DIP2C: variants seen among roughly 807,000 people sequenced by gnomAD.
DIP2C encodes DIP2 acetate--CoA ligase C (putative).
Under a neutral mutation model 192.4 loss-of-function variants are expected in DIP2C, and 33 were observed. That is an observed-to-expected ratio of 0.17 (90% confidence interval 0.13 to 0.23). The LOEUF (loss-of-function observed/expected upper bound fraction) is 0.23, where lower values mean the gene tolerates loss of function less well. Ranked by LOEUF, DIP2C falls within the 10% of genes least tolerant of loss-of-function variation. The pLI is 1.00. For synonymous variants in DIP2C, 979 were observed against 864.1 expected, an observed-to-expected ratio of 1.13 and a Z score of -2.33; for missense variants, 1,537 against 2,110.1, an observed-to-expected ratio of 0.73 and a Z score of 5.32.
At chr10:521,546 C>T (rs560363432) in intron 1 of DIP2C, among the ~76,000 whole-genome samples, 38 of 152,192 alleles carry the variant, frequency 2.5e-4, no homozygotes, top group Non-Finnish European at 5.3e-4. Context: ...AGCATCACTG[C>T]ACCTGTAAGG....
chr10:665,115 CT>C (rs1425835348), intron 1 of DIP2C: 3 of 152,124 alleles, frequency 2.0e-5, no homozygotes, highest in Non-Finnish European at 4.4e-5. Flanking sequence ...ACAAAAACAG[CT>C]TTAAAGATTT....
chr10:618,917 G>A (rs1216947099), intron 1 of DIP2C, among the ~76,000 whole-genome samples: 1 of 152,224 alleles, frequency 6.6e-6, no homozygotes, highest in Non-Finnish European at 1.5e-5. Context: ...AAACCTGAAA[G>A]GACAGGTCTG....
chr10:575,003 C>T (rs560919329), intron 1 of DIP2C, among the ~76,000 whole-genome samples: 42 of 152,264 alleles, frequency 2.8e-4, no homozygotes, highest in Middle Eastern at 6.8e-3. Flanking sequence ...AGAGGGAAGA[C>T]CCACGAAAGG....
intron 1 of DIP2C, among the ~76,000 whole-genome samples, chr10:585,956 A>G (rs759007866): frequency 3.9e-5 from 6 of 152,200 alleles, no homozygotes; most frequent in Non-Finnish European, 7.3e-5. Flanking sequence ...CTGTAAAAGG[A>G]AAAGGCAATT....
At chr10:418,773 G>A (rs534150773) in intron 6 of DIP2C, among the ~76,000 whole-genome samples, 10 of 152,304 alleles carry the variant, frequency 6.6e-5, no homozygotes, top group South Asian at 6.2e-4. Context: ...CTGAACCACC[G>A]TTATTCAGCA....
intron 1 of DIP2C, among the ~76,000 whole-genome samples, chr10:617,570 C>T (rs546697111): frequency 6.6e-6 from 1 of 152,128 alleles, no homozygotes; most frequent in Non-Finnish European, 1.5e-5. Flanking sequence ...CCCACTCCAC[C>T]CACCTCCCAT....
At chr10:319,179 C>T (rs1297864788) in intron 31 of DIP2C, among the ~76,000 whole-genome samples, 1 of 152,138 alleles carries the variant, frequency 6.6e-6, no homozygotes, top group African/African-American at 2.4e-5. Flanking sequence ...TCCTGAAGTG[C>T]TGGGATTACA....
chr10:316,076 C>T (rs183602550), intron 31 of DIP2C, among the ~76,000 whole-genome samples: 89 of 152,178 alleles, frequency 5.8e-4, no homozygotes, highest in African/African-American at 1.9e-3. Flanking sequence ...ACCTTTTCAA[C>T]GAATTTCTGG....
At chr10:385,962 G>C (rs1263769420) in intron 14 of DIP2C, among the ~76,000 whole-genome samples, 2 of 152,212 alleles carry the variant, frequency 1.3e-5, no homozygotes, top group Non-Finnish European at 2.9e-5. Flanking sequence ...CCTGCTCAGA[G>C]ACCTCGCTTT....
intron 14 of DIP2C, among the ~76,000 whole-genome samples, chr10:385,370 C>T (rs982170668): frequency 6.6e-6 from 1 of 152,228 alleles, no homozygotes; most frequent in Admixed American, 6.5e-5. Context: ...ACTGCTTTCC[C>T]TAAACTACTC....
At chr10:565,360 A>AAAAAAAAAAT (rs1849407407) in intron 1 of DIP2C, among the ~76,000 whole-genome samples, 1 of 151,568 alleles carries the variant, frequency 6.6e-6, no homozygotes, top group African/African-American at 2.4e-5. Flanking sequence ...ATTCTAAAAA[A>AAAAAAAAAAT]AAAAAAAAAA....
intron 1 of DIP2C, among the ~76,000 whole-genome samples, chr10:600,826 T>C (rs1852019760): frequency 6.6e-6 from 1 of 152,248 alleles, no homozygotes; most frequent in Admixed American, 6.5e-5. Flanking sequence ...TAACCACGTC[T>C]CAACCATAAG....
At chr10:375,000 C>T (rs1961399873) in intron 17 of DIP2C, among the ~76,000 whole-genome samples, 1 of 152,204 alleles carries the variant, frequency 6.6e-6, no homozygotes, top group Admixed American at 6.5e-5. Flanking sequence ...TCTCAGTGAT[C>T]TCCAGGAATG....
chr10:622,280 AGGAGG>A (rs1853901898), intron 1 of DIP2C, among the ~76,000 whole-genome samples: 2 of 92,222 alleles, frequency 2.2e-5, no homozygotes, highest in Admixed American at 1.1e-4. Flanking sequence ...AGGGGGAGGG[AGGAGG>A]GGGAGGGAGG....
At chr10:578,038 C>T (rs904556661) in intron 1 of DIP2C, among the ~76,000 whole-genome samples, 2 of 152,112 alleles carry the variant, frequency 1.3e-5, no homozygotes, top group African/African-American at 4.8e-5. Flanking sequence ...ATCCAAATAA[C>T]TACAATCTTA....
intron 14 of DIP2C, 61 bp downstream of exon 14, chr10:387,684 C>CA (rs1963085399): frequency 6.6e-7 from 1 of 1,504,818 alleles, no homozygotes; most frequent in Non-Finnish European, 9.2e-7. Flanking sequence ...CCTGTGTGGA[C>CA]AGGCAGGGCA....
chr10:325,688 T>A (rs987963093), intron 31 of DIP2C, among the ~76,000 whole-genome samples: 1 of 152,184 alleles, frequency 6.6e-6, no homozygotes, highest in African/African-American at 2.4e-5. Flanking sequence ...CAGAGAAAAC[T>A]TCAATATTTT....
chr10:491,383 T>C (rs1844438029), intron 1 of DIP2C, among the ~76,000 whole-genome samples: 1 of 152,256 alleles, frequency 6.6e-6, no homozygotes, highest in African/African-American at 2.4e-5. Flanking sequence ...TCAGGAGCCC[T>C]GGTGCTGCTG....
chr10:492,694 C>T (rs1156248981), intron 1 of DIP2C, among the ~76,000 whole-genome samples: 1 of 152,172 alleles, frequency 6.6e-6, no homozygotes, highest in African/African-American at 2.4e-5. Context: ...TAAGATCTTA[C>T]TCGGGCCAGG....
Sources: gnomAD v4.1 joint callset for allele counts (sites outside exome capture counted in the v4.1 genomes callset) on GRCh38, gnomAD v4.1.1 for gene constraint, MANE v1.5 for transcripts, NCBI Gene and HGNC (gene_info 2026-07-23, HGNC 2026-07-21) for gene names.